MEF2C: variants seen among roughly 807,000 people sequenced by gnomAD.
The protein encoded by MEF2C is myocyte enhancer factor 2C.
A neutral mutation model predicts 50.5 loss-of-function variants in MEF2C; 6 were observed. That is an observed-to-expected ratio of 0.12 (90% CI 0.07 to 0.23). The LOEUF (loss-of-function observed/expected upper bound fraction) is 0.23. Ranked by LOEUF, MEF2C falls within the 10% of genes least tolerant of loss-of-function variation. MEF2C has a pLI of 1.00. For synonymous variants in MEF2C, 183 were observed against 228.0 expected, an observed-to-expected ratio of 0.80 and a Z score of 1.78; for missense variants, 276 against 605.0, an observed-to-expected ratio of 0.46 and a Z score of 5.70.
intron 6 of MEF2C, chr5:88,736,261 G>A (rs1764036156): frequency 8.1e-6 from 1 of 124,168 alleles, no homozygotes; most frequent in South Asian, 3.1e-4. Context: ...TTGGGAGGCC[G>A]AGGCGGGTGG....
intron 2 of MEF2C, among the ~76,000 whole-genome samples, chr5:88,822,517 T>C (rs879851018): frequency 2.0e-5 from 3 of 151,998 alleles, no homozygotes; most frequent in African/African-American, 4.8e-5. Flanking sequence ...CCTGAAAATA[T>C]ATAATAATTT....
rs111391877 is a variant in MEF2C, at chr5:88,745,477, C to T, written c.637+3593G>A. Among the ~76,000 whole-genome samples, 9 of 152,162 alleles carry T rather than the reference C, an allele frequency of 5.9e-5. No homozygotes were observed. The East Asian group carries it at 9.6e-4, about 16-fold the overall frequency. On this transcript the variant is annotated intron_variant, in intron 6 of 10. Transcript: ENST00000504921. ...GATTGCATAGGTAAGAGTAAGCGGC[C>T]GTGACATTGCCAAGTGGCGGCACAG...
At chr5:88,812,137 A>C (rs1803124708) in intron 2 of MEF2C, among the ~76,000 whole-genome samples, 1 of 152,070 alleles carries the variant, frequency 6.6e-6, no homozygotes, top group Non-Finnish European at 1.5e-5. Flanking sequence ...GTCTCCTAGG[A>C]CCTGTCAGCT....
chr5:88,740,073 T>A, intron 6 of MEF2C: 2 of 985,388 alleles, frequency 2.0e-6, no homozygotes, highest in Non-Finnish European at 2.4e-6. Flanking sequence ...CCAAGAACTA[T>A]TCTTGGCCAT....
chr5:88,846,221 C>T (rs1322069969), intron 1 of MEF2C, among the ~76,000 whole-genome samples: 2 of 152,044 alleles, frequency 1.3e-5, no homozygotes, highest in Non-Finnish European at 2.9e-5. Flanking sequence ...GTGCCCGCCA[C>T]CACGCCAGGC....
intron 3 of MEF2C, 52 bp from the exon 4 acceptor site, chr5:88,761,380 A>G (rs1777773450): frequency 6.4e-7 from 1 of 1,558,692 alleles, no homozygotes; most frequent in East Asian, 2.2e-5. Context: ...TGTAAGAGAC[A>G]TTCAGGGGCA....
intron 1 of MEF2C, among the ~76,000 whole-genome samples, chr5:88,878,587 T>C (rs1416768969): frequency 3.3e-5 from 5 of 152,060 alleles, no homozygotes; most frequent in Admixed American, 2.6e-4. Context: ...TAGAATAATA[T>C]GTTTCCTTCC....
At chr5:88,812,303 G>T (rs1256308469) in intron 2 of MEF2C, among the ~76,000 whole-genome samples, 1 of 152,116 alleles carries the variant, frequency 6.6e-6, no homozygotes, top group Non-Finnish European at 1.5e-5. Flanking sequence ...AGAATGAATA[G>T]ATATATGGAC....
At chr5:88,860,943 A>C (rs1164584796) in intron 1 of MEF2C, among the ~76,000 whole-genome samples, 1 of 152,156 alleles carries the variant, frequency 6.6e-6, no homozygotes, top group African/African-American at 2.4e-5. Flanking sequence ...CTCATGCCAA[A>C]TATTTTAGGG....
At chr5:88,816,339 G>C (rs1805367021) in intron 2 of MEF2C, among the ~76,000 whole-genome samples, 1 of 151,954 alleles carries the variant, frequency 6.6e-6, no homozygotes, top group African/African-American at 2.4e-5. Context: ...GCACACTGTT[G>C]CTGTGATCCT....
At chr5:88,797,504 T>G in intron 3 of MEF2C, among the ~76,000 whole-genome samples, 2 of 123,022 alleles carry the variant, frequency 1.6e-5, no homozygotes, top group African/African-American at 3.0e-5. Context: ...GCTTGGTAAA[T>G]ATTCATCCAT....
intron 3 of MEF2C, among the ~76,000 whole-genome samples, chr5:88,800,992 A>G (rs1295356531): frequency 6.6e-6 from 1 of 152,192 alleles, no homozygotes. Flanking sequence ...GCTAATTATC[A>G]AGCAAAGACA....
intron 2 of MEF2C, among the ~76,000 whole-genome samples, chr5:88,810,534 AG>A (rs1001020487): frequency 4.8e-5 from 2 of 41,246 alleles, no homozygotes; most frequent in African/African-American, 2.2e-4. Flanking sequence ...GAGTTTGTTC[AG>A]CAAAAATGTA....
At chr5:88,903,981 AC>A (rs1258752249) in exon 1 of MEF2C, 1 of 152,094 alleles carries the variant, frequency 6.6e-6, no homozygotes, top group Non-Finnish European at 1.5e-5. Flanking sequence ...TGTTGTCCAA[AC>A]CCTGACAGGT....
At chr5:88,879,095 T>C (rs1258352338) in intron 1 of MEF2C, among the ~76,000 whole-genome samples, 1 of 151,972 alleles carries the variant, frequency 6.6e-6, no homozygotes, top group Admixed American at 6.6e-5. Flanking sequence ...ACATAAATAT[T>C]AATTTTATGT....
rs1412909295 is a variant in MEF2C at position 88,720,183 on chromosome 5, G to C, written c.*2421C>G. On this transcript the variant is annotated 3_prime_UTR_variant, in exon 11 of 11. Coordinates refer to ENST00000504921, the MANE Select transcript of MEF2C (RefSeq NM_002397.5). ...AAGGATGGGATCAAGTCTATGGTGA[G>C]GAAAATGATTTTCTTATTTTATTCC... The C allele has an allele frequency of 6.6e-6, 1 of 152,018 alleles. No individual in the cohort carries two copies. The highest frequency in any genetic ancestry group is 1.5e-5 in the Non-Finnish European group (1 of 67,932). The allele number at this position is 152,018 out of a possible 1,614,324, so 9.4% of individuals were successfully genotyped here. A position where few individuals can be genotyped will look rare whatever the true frequency, so the allele number is the denominator to read the frequency against.
rs560205500 is a variant in MEF2C, at chr5:88,723,723, C to T, written c.1101-798G>A. The stretch of plus-strand genomic sequence containing the variant: ...AATGTTAGTCACTCCCTGATGCGTG[C>T]GGTTCTTAGGCTACCACTCCTCTTA... On this transcript the variant is annotated intron_variant, in intron 10 of 10. Transcript: ENST00000504921. Among the ~76,000 whole-genome samples the T allele has an allele frequency of 4.3e-4, 65 of 152,314 alleles. 1 individual carries two copies. In the South Asian group the frequency reaches 0.013, roughly 31 times the overall value.
intron 8 of MEF2C, among the ~76,000 whole-genome samples, chr5:88,729,763 A>T (rs753554941): frequency 3.3e-5 from 5 of 152,108 alleles, no homozygotes; most frequent in Non-Finnish European, 7.4e-5. Flanking sequence ...GTAGGGGCTC[A>T]TGTTATATTT....
At chr5:88,873,215 T>G (rs1253291628) in intron 1 of MEF2C, among the ~76,000 whole-genome samples, 6 of 152,068 alleles carry the variant, frequency 3.9e-5, no homozygotes. Context: ...ATCCAGTGAC[T>G]CTAAAGCTGC....
Sources: gnomAD v4.1 joint callset for allele counts (sites outside exome capture counted in the v4.1 genomes callset) on GRCh38, gnomAD v4.1.1 for gene constraint, MANE v1.5 for transcripts, NCBI Gene and HGNC (gene_info 2026-07-23, HGNC 2026-07-21) for gene names.